PRKG1: variants seen among roughly 807,000 people sequenced by gnomAD.
The protein encoded by PRKG1 is protein kinase cGMP-dependent 1.
Under a neutral mutation model 88.1 loss-of-function variants are expected in PRKG1, and 35 were observed. The observed-to-expected ratio is 0.40, with a 90% CI of 0.30 to 0.53. The LOEUF is 0.53. PRKG1 is among the 20% of genes least tolerant of loss of function. PRKG1 has a pLI of 0.59. For missense variants in PRKG1, 540 were observed against 839.8 expected (o/e 0.64, Z 4.41); for synonymous variants, 303 against 292.5 (o/e 1.04, Z -0.37).
intron 2 of PRKG1, among the ~76,000 whole-genome samples, chr10:51,384,204 A>G (rs1564470797): frequency 6.6e-6 from 1 of 152,238 alleles, no homozygotes; most frequent in Admixed American, 6.5e-5. Context: ...GCCCAACTCA[A>G]AGAACAATCT....
At chr10:51,869,260 G>T (rs1235750436) in intron 4 of PRKG1, among the ~76,000 whole-genome samples, 1 of 152,052 alleles carries the variant, frequency 6.6e-6, no homozygotes, top group African/African-American at 2.4e-5. Context: ...TCCCATCATT[G>T]CCTTAAATGC....
intron 3 of PRKG1, among the ~76,000 whole-genome samples, chr10:51,693,496 G>C (rs1244462546): frequency 6.6e-6 from 1 of 151,868 alleles, no homozygotes; most frequent in Non-Finnish European, 1.5e-5. Context: ...CCACCTCCCA[G>C]GTTCAAGTGC....
At chr10:51,384,434 G>C (rs568392672) in intron 2 of PRKG1, among the ~76,000 whole-genome samples, 1 of 152,288 alleles carries the variant, frequency 6.6e-6, no homozygotes, top group South Asian at 2.1e-4. Flanking sequence ...CGGATTTAAG[G>C]AGCCTGTTCT....
intron 2 of PRKG1, among the ~76,000 whole-genome samples, chr10:51,429,549 C>T (rs956074688): frequency 3.3e-5 from 5 of 152,088 alleles, no homozygotes; most frequent in African/African-American, 9.7e-5. Context: ...TGCTATGATT[C>T]TGTTCAAAGA....
At chr10:51,272,365 G>T (rs899399221) in intron 2 of PRKG1, among the ~76,000 whole-genome samples, 1 of 152,002 alleles carries the variant, frequency 6.6e-6, no homozygotes, top group Admixed American at 6.6e-5. Flanking sequence ...GTGGGGTGGG[G>T]GGCTAGGGGA....
At chr10:52,082,618 G>T (rs552662163) in intron 7 of PRKG1, among the ~76,000 whole-genome samples, 1 of 152,126 alleles carries the variant, frequency 6.6e-6, no homozygotes, top group Non-Finnish European at 1.5e-5. Context: ...CCTGTTTGAA[G>T]TTCTCTCTGC....
intron 2 of PRKG1, among the ~76,000 whole-genome samples, chr10:51,383,734 C>T (rs1837177104): frequency 6.6e-6 from 1 of 152,114 alleles, no homozygotes; most frequent in Admixed American, 6.6e-5. Context: ...GAGACTAATC[C>T]TTTGATTTTT....
At position 51,597,780 on chromosome 10, in the gene PRKG1, C is replaced by T. The variant is rs143449916; in HGVS notation, c.592+129944C>T. ...ACTGGAAAACAAAATGGAAAAAATA[C>T]GTATATTACTTATATAAGCACAATG... On this transcript the variant is annotated intron_variant, in intron 3 of 17. Transcript: ENST00000373980. 9.2e-5 allele frequency among the ~76,000 whole-genome samples: 14 copies of T among 152,086 alleles called. No individual in the cohort carries two copies. The East Asian group carries it at 9.7e-4, about 11-fold the overall frequency.
chr10:51,823,647 G>T (rs538624365), intron 4 of PRKG1, among the ~76,000 whole-genome samples: 1 of 151,848 alleles, frequency 6.6e-6, no homozygotes, highest in African/African-American at 2.4e-5. Context: ...GAAACATTTC[G>T]ATGTTTGAGA....
intron 3 of PRKG1, among the ~76,000 whole-genome samples, chr10:51,479,151 A>T (rs1840285322): frequency 6.6e-6 from 1 of 152,062 alleles, no homozygotes. Flanking sequence ...ACCATGGACA[A>T]CAGTAAACAA....
At chr10:51,614,116 T>C (rs1369624411) in intron 3 of PRKG1, among the ~76,000 whole-genome samples, 1 of 151,964 alleles carries the variant, frequency 6.6e-6, no homozygotes, top group East Asian at 1.9e-4. Flanking sequence ...ATTACTGTAT[T>C]AGAGTCTCTT....
chr10:51,415,771 C>T lies in PRKG1; in HGVS notation c.479-51952C>T, dbSNP rs951338231. On this transcript the variant is annotated intron_variant, in intron 2 of 17. Transcript: ENST00000373980. ...AATTATCCCAAGAAAGACTGCCCAC[C>T]GCTTTATTAGTCCCAATTGCATTTT... Among the ~76,000 whole-genome samples the T allele has an allele frequency of 1.2e-4, 18 of 152,256 alleles. No individual in the cohort carries two copies. The South Asian group carries it at 3.3e-3, about 28-fold the overall frequency.
chr10:51,447,221 G>A (rs1046359973), intron 2 of PRKG1, among the ~76,000 whole-genome samples: 16 of 151,930 alleles, frequency 1.1e-4, no homozygotes, highest in African/African-American at 3.6e-4. Context: ...GAAGCCAAAT[G>A]AGAAAACACC....
intron 3 of PRKG1, among the ~76,000 whole-genome samples, chr10:51,731,064 G>A (rs1012319347): frequency 5.9e-5 from 9 of 152,126 alleles, no homozygotes; most frequent in Non-Finnish European, 1.2e-4. Flanking sequence ...GCTGAGGCAG[G>A]AGAATTGCTT....
chr10:51,151,611 T>C (rs975007297), intron 1 of PRKG1, among the ~76,000 whole-genome samples: 3 of 151,696 alleles, frequency 2.0e-5, no homozygotes, highest in African/African-American at 7.3e-5. Flanking sequence ...ACATTCTTAC[T>C]CTAAAATCAA....
At chr10:51,224,652 A>C (rs1459313597) in intron 2 of PRKG1, among the ~76,000 whole-genome samples, 1 of 152,124 alleles carries the variant, frequency 6.6e-6, no homozygotes, top group Non-Finnish European at 1.5e-5. Flanking sequence ...GAACACATTT[A>C]CTTTCATTTT....
intron 2 of PRKG1, among the ~76,000 whole-genome samples, chr10:51,235,899 A>T (rs1285782275): frequency 6.6e-6 from 1 of 152,128 alleles, no homozygotes; most frequent in Non-Finnish European, 1.5e-5. Context: ...GAGGGGAGAG[A>T]AATTTGCAAG....
intron 3 of PRKG1, among the ~76,000 whole-genome samples, chr10:51,652,478 A>G (rs758718751): frequency 1.3e-5 from 2 of 151,916 alleles, no homozygotes; most frequent in African/African-American, 2.4e-5. Flanking sequence ...GGAAAGAGTC[A>G]TTACCAGATA....
chr10:51,201,118 G>A (rs1170237473), intron 2 of PRKG1, among the ~76,000 whole-genome samples: 1 of 152,104 alleles, frequency 6.6e-6, no homozygotes, highest in African/African-American at 2.4e-5. Context: ...CCATGGGTAT[G>A]AATTAATTTA....
Sources: gnomAD v4.1 joint callset for allele counts (sites outside exome capture counted in the v4.1 genomes callset) on GRCh38, gnomAD v4.1.1 for gene constraint, MANE v1.5 for transcripts, NCBI Gene and HGNC (gene_info 2026-07-23, HGNC 2026-07-21) for gene names.